The following ERBIN variants were observed in gnomAD, a reference collection of about 807,000 sequenced individuals.
The protein encoded by ERBIN is densin-180-like protein.
ERBIN carries 60 observed loss-of-function variants against 158.4 expected under a neutral mutation model. That is an observed-to-expected ratio of 0.38 (90% confidence interval 0.31 to 0.47). The LOEUF (loss-of-function observed/expected upper bound fraction) is 0.47, where lower values mean the gene tolerates loss of function less well. Among genes scored for constraint, ERBIN ranks in the 20% least tolerant of loss-of-function variants. The probability of loss-of-function intolerance (pLI) is 0.99; values close to 1 mark genes in which losing one functional copy is unlikely to be tolerated. For missense variants in ERBIN, 1,610 were observed against 1,648.0 expected, an observed-to-expected ratio of 0.98 and a Z score of 0.40; for synonymous variants, 594 against 557.2, an observed-to-expected ratio of 1.07 and a Z score of -0.93.
At chr5:66,016,536 T>G (rs1185445617) in intron 7 of ERBIN, among the ~76,000 whole-genome samples, 1 of 152,138 alleles carries the variant, frequency 6.6e-6, no homozygotes. Context: ...ACATTTATAT[T>G]CTTTCCCCTT....
intron 21 of ERBIN, among the ~76,000 whole-genome samples, chr5:66,070,397 A>G (rs1198334616): frequency 6.6e-6 from 1 of 152,182 alleles, no homozygotes. Flanking sequence ...TCAGTCTCTC[A>G]TTCCAAGAGT....
chr5:66,057,022 T>A (rs887723367), intron 21 of ERBIN, among the ~76,000 whole-genome samples: 2 of 152,192 alleles, frequency 1.3e-5, no homozygotes, highest in African/African-American at 4.8e-5. Context: ...TGAGACTGCT[T>A]TTACCTAACA....
Position 66,054,615 on chromosome 5 carries a change from T to G in ERBIN, c.3297T>G (p.Ile1099Met). The change falls in exon 21 of 26, where the codon ATT (isoleucine) becomes ATG (methionine). Residue 1099 changes from isoleucine to methionine, a missense_variant. Ile to Met is a conservative substitution (Grantham distance 10, BLOSUM62 1). This residue lies in a region of ERBIN where 1,014 missense variants were observed against 936.1 expected (regional missense o/e 1.08). Coordinates refer to ENST00000284037, the MANE Select transcript of ERBIN (RefSeq NM_001253697.2). ...GDPGSTRRAQ[I>M]PEGDYLSYRE... ...CAGGCTCTACAAGGCGGGCTCAGAT[T>G]CCTGAAGGAGATTATTTATCATACA... The G allele has an allele frequency of 5.0e-6, 8 of 1,614,090 alleles. No homozygotes were observed. Among genetic ancestry groups the G allele is most frequent in the Non-Finnish European group, 6.8e-6 (8 of 1,180,004 alleles).
At chr5:66,063,891 A>T (rs1760725867) in intron 21 of ERBIN, among the ~76,000 whole-genome samples, 1 of 152,170 alleles carries the variant, frequency 6.6e-6, no homozygotes, top group African/African-American at 2.4e-5. Context: ...TACACACATA[A>T]AACTAACAAA....
Position 66,070,289 on chromosome 5 carries a change from C to T in ERBIN, c.3634-1880C>T, listed in dbSNP as rs182093081. On this transcript the variant is annotated intron_variant, in intron 21 of 25. Transcript: ENST00000284037. The stretch of plus-strand genomic sequence containing the variant: ...AACTCCTGACCTCAGATGATCTGCC[C>T]GCCTCAGCCTCACAAAGTGTTGGGA... Among the ~76,000 whole-genome samples, 13 of 152,124 alleles carry T rather than the reference C, an allele frequency of 8.5e-5. No individual in the cohort carries two copies. In the East Asian group the frequency reaches 2.3e-3, roughly 27 times the overall value.
intron 1 of ERBIN, among the ~76,000 whole-genome samples, chr5:65,966,861 TCCTG>T (rs1396426013): frequency 2.0e-5 from 3 of 152,246 alleles, no homozygotes; most frequent in Admixed American, 2.0e-4. Context: ...ATAGTAATGA[TCCTG>T]ACCCTGTATA....
chr5:65,973,659 C>G (rs1428595481), intron 1 of ERBIN, among the ~76,000 whole-genome samples: 1 of 151,152 alleles, frequency 6.6e-6, no homozygotes, highest in Non-Finnish European at 1.5e-5. Flanking sequence ...TAAAATACCA[C>G]TTAAAGAACC....
chr5:66,076,857 T>C lies in ERBIN; in HGVS notation c.4057-18T>C. The C allele has an allele frequency of 6.6e-7, 1 of 1,522,188 alleles. No homozygotes were observed. Among genetic ancestry groups the C allele is most frequent in the Non-Finnish European group, 9.0e-7 (1 of 1,108,042 alleles). The allele number at this position is 1,522,188 out of a possible 1,614,324, so 94.3% of individuals were successfully genotyped here. A position where few individuals can be genotyped will look rare whatever the true frequency, so the allele number is the denominator to read the frequency against. On this transcript the variant is annotated intron_variant, in intron 24 of 25. Transcript: ENST00000284037. ...ATACATACTGTTTTTAGTTAAATAATTTTTTTTGTTGTTAAAGGGTATATT... is the reference window on the plus strand; with the variant it reads ...ATACATACTGTTTTTAGTTAAATAACTTTTTTTGTTGTTAAAGGGTATATT...
chr5:66,050,726 G>T (rs1758934224), intron 19 of ERBIN, 57 bp from the exon 20 acceptor site: 1 of 1,185,994 alleles, frequency 8.4e-7, no homozygotes, highest in Non-Finnish European at 1.2e-6. Flanking sequence ...TCACTGAAAA[G>T]AATTTCACAC....
At chr5:66,028,211 C>T in intron 13 of ERBIN, 63 bp from the exon 14 acceptor site, 2 of 1,247,724 alleles carry the variant, frequency 1.6e-6, no homozygotes, top group African/African-American at 1.5e-5. Flanking sequence ...TAGGTTGAAC[C>T]CTCATTCATT....
chr5:66,029,493 TA>T (rs1337670934), intron 14 of ERBIN, among the ~76,000 whole-genome samples: 1 of 152,172 alleles, frequency 6.6e-6, no homozygotes, highest in African/African-American at 2.4e-5. Flanking sequence ...CCTGAGGTGT[TA>T]ATACAGTAAA....
intron 12 of ERBIN, 142 bp from the exon 13 acceptor site, chr5:66,026,160 A>C: frequency 1.5e-6 from 1 of 685,172 alleles, no homozygotes; most frequent in South Asian, 2.6e-5. Flanking sequence ...ATGTACATAA[A>C]AATTAATTAA....
chr5:65,979,656 A>G lies in ERBIN; in HGVS notation c.-57-8979A>G, dbSNP rs569364470. ...CAGGTGAGTAATGGACATGCCAAAA[A>G]ACCAAATGCATATTCTGGAACTGGA... is the stretch of plus-strand genomic sequence containing the variant. On this transcript the variant is annotated intron_variant, in intron 1 of 25. Coordinates refer to ENST00000284037, the MANE Select transcript of ERBIN (RefSeq NM_001253697.2). Among the ~76,000 whole-genome samples the G allele has an allele frequency of 3.3e-5, 5 of 152,340 alleles. No homozygotes were observed. In the South Asian group the frequency reaches 1.0e-3, roughly 32 times the overall value.
Position 65,952,140 on chromosome 5 carries a change from C to T in ERBIN, c.-58+25334C>T, listed in dbSNP as rs1046407882. ...GGTATACCTGAAAAGTCAGAAAACA[C>T]AGGATACTCTTATTTTTATATCTGT... On this transcript the variant is annotated intron_variant, in intron 1 of 25. Coordinates refer to ENST00000284037, the MANE Select transcript of ERBIN (RefSeq NM_001253697.2). 2.0e-4 allele frequency among the ~76,000 whole-genome samples: 31 copies of T among 152,112 alleles called. 1 individual carries two copies. The highest frequency in any genetic ancestry group is 1.0e-4 in the Non-Finnish European group (7 of 68,028).
chr5:65,977,088 G>C (rs1403631936), intron 1 of ERBIN, among the ~76,000 whole-genome samples: 3 of 151,810 alleles, frequency 2.0e-5, no homozygotes, highest in African/African-American at 7.3e-5. Context: ...TCCCAGTAGG[G>C]GCGGCCGGGC....
At chr5:66,012,259 TA>T in intron 5 of ERBIN, 132 bp downstream of exon 5, 1 of 557,914 alleles carries the variant, frequency 1.8e-6, no homozygotes, top group South Asian at 3.4e-5. Context: ...ATTTTAGAGT[TA>T]AAAAGTAATC....
intron 21 of ERBIN, among the ~76,000 whole-genome samples, chr5:66,060,769 CT>C (rs141455473): frequency 0.23 from 34,548 of 151,882 alleles, 4,804 homozygotes; most frequent in East Asian, 0.46. Flanking sequence ...CAAAGAACAT[CT>C]TTTTTTTCTA....
At chr5:66,009,303 C>CTTAT (rs1432855279) in intron 4 of ERBIN, among the ~76,000 whole-genome samples, 1 of 152,174 alleles carries the variant, frequency 6.6e-6, no homozygotes, top group Non-Finnish European at 1.5e-5. Flanking sequence ...CGTCGAAGAA[C>CTTAT]TGATAAAGAT....
intron 14 of ERBIN, among the ~76,000 whole-genome samples, chr5:66,034,968 A>G (rs1297059352): frequency 6.6e-6 from 1 of 152,168 alleles, no homozygotes; most frequent in African/African-American, 2.4e-5. Flanking sequence ...GGTCAAAGGA[A>G]TAGTAGTCTT....
Sources: gnomAD v4.1 joint callset for allele counts (sites outside exome capture counted in the v4.1 genomes callset) on GRCh38, gnomAD v4.1.1 for gene constraint, gnomAD v4.1.1 regional missense constraint, MANE v1.5 for transcripts, NCBI Gene and HGNC (gene_info 2026-07-23, HGNC 2026-07-21) for gene names.